The following FGF13 variants were observed in gnomAD, a reference collection of about 807,000 sequenced individuals.
FGF13 encodes fibroblast growth factor 13.
A neutral mutation model predicts 19.5 loss-of-function variants in FGF13; 2 were observed. The ratio of observed to expected loss-of-function variants is 0.10; its 90% CI spans 0.04 to 0.32. FGF13 has a LOEUF of 0.32. FGF13 is among the 10% of genes least tolerant of loss of function. The pLI, the probability that FGF13 is intolerant of heterozygous loss-of-function variation, is 1.00. For missense variants in FGF13, 113 were observed against 192.7 expected (o/e 0.59, Z 2.45); for synonymous variants, 72 against 76.9 (o/e 0.94, Z 0.33).
At chrX:139,137,234 C>A (rs1419977214) in intron 1 of FGF13, among the ~76,000 whole-genome samples, 3 of 112,031 alleles carry the variant, frequency 2.7e-5, no homozygotes, top group Non-Finnish European at 5.6e-5. Context: ...GATCTCACGC[C>A]TTTTACACTT....
chrX:138,940,623 G>A lies in FGF13; in HGVS notation c.-112-75973C>T, dbSNP rs917547973. Among the ~76,000 whole-genome samples, 4 of 111,717 alleles carry A rather than the reference G, an allele frequency of 3.6e-5. No homozygotes were observed. In the Admixed American group the frequency reaches 3.8e-4, roughly 11 times the overall value. ...GATTTTTGTATATGGTGTAAGGAAG[G>A]GGTCAAGTTTCAATCTTCTCCCTGT... On this transcript the variant is annotated intron_variant, in intron 1 of 2. Coordinates refer to the FGF13 transcript ENST00000421460.
At chrX:139,147,875 G>C (rs1300799088) in intron 1 of FGF13, among the ~76,000 whole-genome samples, 1 of 99,120 alleles carries the variant, frequency 1.0e-5, no homozygotes, top group South Asian at 4.3e-4. Flanking sequence ...TTTTTTTTTT[G>C]CCATTGAAGG....
intron 1 of FGF13, among the ~76,000 whole-genome samples, chrX:139,097,500 A>G (rs1269121583): frequency 9.0e-6 from 1 of 110,745 alleles, no homozygotes; most frequent in Non-Finnish European, 1.9e-5. Flanking sequence ...CCTACAATAT[A>G]CCCAGGTAAC....
intron 1 of FGF13, among the ~76,000 whole-genome samples, chrX:138,932,303 G>A (rs909062415): frequency 1.8e-5 from 2 of 112,004 alleles, no homozygotes; most frequent in Non-Finnish European, 3.8e-5. Flanking sequence ...AACCCCAGCC[G>A]AGTGCAATGG....
chrX:138,765,513 C>T (rs1293422466), intron 3 of FGF13, among the ~76,000 whole-genome samples: 3 of 112,269 alleles, frequency 2.7e-5, no homozygotes, highest in East Asian at 5.6e-4. Flanking sequence ...ACACCCAAGA[C>T]ATCTTTCAAA....
At chrX:138,773,035 TA>T (rs752536704) in intron 3 of FGF13, among the ~76,000 whole-genome samples, 3,067 of 96,994 alleles carry the variant, frequency 0.032, 92 homozygotes, top group South Asian at 0.092. Flanking sequence ...CTATATTTAG[TA>T]AAAAAAAAAA....
intron 3 of FGF13, among the ~76,000 whole-genome samples, chrX:138,783,452 T>A (rs1269955868): frequency 2.0e-5 from 2 of 99,141 alleles, no homozygotes; most frequent in Admixed American, 1.1e-4. Flanking sequence ...TACAATGAAC[T>A]CAAACAAATT....
chrX:138,965,251 TA>T (rs1569431914), intron 1 of FGF13, among the ~76,000 whole-genome samples: 1 of 112,325 alleles, frequency 8.9e-6, no homozygotes, highest in Non-Finnish European at 1.9e-5. Context: ...CAGGCTGTGT[TA>T]GGGGCCCCTG....
At chrX:138,816,704 C>T (rs1408623532) in intron 3 of FGF13, among the ~76,000 whole-genome samples, 1 of 112,594 alleles carries the variant, frequency 8.9e-6, no homozygotes, top group Admixed American at 9.3e-5. Flanking sequence ...AGGACAGCTT[C>T]GAATGTGGCC....
At chrX:138,824,342 G>C (rs1457623626) in intron 3 of FGF13, among the ~76,000 whole-genome samples, 4 of 111,715 alleles carry the variant, frequency 3.6e-5, no homozygotes, top group Non-Finnish European at 7.5e-5. Flanking sequence ...AGAGGTTTAG[G>C]ACATCTGCTG....
chrX:138,803,599 C>A (rs181241695), intron 3 of FGF13, among the ~76,000 whole-genome samples: 1 of 112,213 alleles, frequency 8.9e-6, no homozygotes, highest in Non-Finnish European at 1.9e-5. Context: ...GAGCATTACC[C>A]GCAGAATCTA....
At position 138,780,472 on chromosome X, in the gene FGF13, C is replaced by G. The variant is rs758069335; in HGVS notation, c.218-71544G>C. ...TCAAAATAAAAGGATGGAGGAAGAT[C>G]TACCAAGCAAATGGAAAACAAAAAA... On this transcript the variant is annotated intron_variant, in intron 3 of 6. Transcript: ENST00000436198. Among the ~76,000 whole-genome samples the G allele has an allele frequency of 4.6e-3, 355 of 76,923 alleles. 3 individuals carry two copies. The highest frequency in any genetic ancestry group is 0.016 in the African/African-American group (298 of 18,897). The allele number at this position is 76,923 out of a possible 115,157, so 66.8% of individuals were successfully genotyped here.
chrX:138,911,283 T>C (rs1384145203), intron 1 of FGF13, among the ~76,000 whole-genome samples: 1 of 111,539 alleles, frequency 9.0e-6, no homozygotes, highest in East Asian at 2.8e-4. Flanking sequence ...TGTGTGTTTT[T>C]CAAAGTCTAT....
chrX:138,924,832 G>A (rs924028987), intron 1 of FGF13, among the ~76,000 whole-genome samples: 5 of 41,309 alleles, frequency 1.2e-4, no homozygotes, highest in Non-Finnish European at 2.3e-4. Context: ...TTGAGGTAGG[G>A]GGAAAGTTAA....
intron 1 of FGF13, among the ~76,000 whole-genome samples, chrX:138,981,753 C>T (rs1442408334): frequency 1.8e-5 from 2 of 111,064 alleles, no homozygotes; most frequent in African/African-American, 3.3e-5. Flanking sequence ...ACTTGGTGGC[C>T]ATGCCATGAA....
At chrX:138,830,730 T>TGTGTGTGTGTGTGTG (rs1569406299) in intron 3 of FGF13, among the ~76,000 whole-genome samples, 36 of 99,050 alleles carry the variant, frequency 3.6e-4, no homozygotes, top group Admixed American at 7.5e-4. Flanking sequence ...TGTGTGTGTG[T>TGTGTGTGTGTGTGTG]TTTAAGCTAT....
At chrX:139,112,909 G>C (rs2083613407) in intron 1 of FGF13, among the ~76,000 whole-genome samples, 1 of 109,499 alleles carries the variant, frequency 9.1e-6, no homozygotes, top group Admixed American at 9.8e-5. Flanking sequence ...CCAGGACCTG[G>C]AACAGTGCCT....
intron 1 of FGF13, among the ~76,000 whole-genome samples, chrX:139,064,396 G>A (rs1428194388): frequency 1.7e-4 from 15 of 89,566 alleles, no homozygotes; most frequent in African/African-American, 4.7e-4. Flanking sequence ...TCCGCTTCCC[G>A]GGTTCACGCC....
At chrX:138,998,967 G>C (rs754930359) in intron 1 of FGF13, among the ~76,000 whole-genome samples, 190 of 112,165 alleles carry the variant, frequency 1.7e-3, no homozygotes, top group Middle Eastern at 4.6e-3. Flanking sequence ...TAAAAGAAGA[G>C]ACATCACAAC....
Sources: allele counts gnomAD v4.1 joint callset (sites outside exome capture counted in the v4.1 genomes callset), GRCh38; gene constraint gnomAD v4.1.1; transcripts MANE v1.5; gene names NCBI Gene and HGNC (gene_info 2026-07-23, HGNC 2026-07-21).